The following ABCC1 variants were observed in gnomAD, a reference collection of about 807,000 sequenced individuals.
ABCC1 encodes ATP binding cassette subfamily C member 1 (ABCC1 blood group).
A neutral mutation model predicts 172.9 loss-of-function variants in ABCC1; 83 were observed. The ratio of observed to expected loss-of-function variants is 0.48; its 90% CI spans 0.40 to 0.58. The LOEUF is 0.58. Among genes scored for constraint, ABCC1 ranks in the 20% least tolerant of loss-of-function variants. The probability of loss-of-function intolerance (pLI) is 0.00; values close to 1 mark genes in which losing one functional copy is unlikely to be tolerated. For missense variants in ABCC1, 1,817 were observed against 2,002.7 expected, an observed-to-expected ratio of 0.91 and a Z score of 1.77; for synonymous variants, 937 against 825.2, an observed-to-expected ratio of 1.14 and a Z score of -2.32.
chr16:16,075,272 A>G (rs2050512208), intron 14 of ABCC1, among the ~76,000 whole-genome samples: 1 of 151,998 alleles, frequency 6.6e-6, no homozygotes, highest in African/African-American at 2.4e-5. Context: ...AGAGACATGA[A>G]GTAAAAGGAA....
intron 5 of ABCC1, among the ~76,000 whole-genome samples, chr16:16,027,940 C>G (rs77278556): frequency 4.6e-5 from 7 of 152,128 alleles, no homozygotes; most frequent in African/African-American, 7.2e-5. Flanking sequence ...GTGCCAGGTA[C>G]TATTCTAAGT....
intron 19 of ABCC1, among the ~76,000 whole-genome samples, chr16:16,102,249 C>T (rs1430375602): frequency 2.0e-5 from 3 of 152,206 alleles, no homozygotes; most frequent in African/African-American, 7.2e-5. Flanking sequence ...GGGCTATGCC[C>T]TTTCCCTCAT....
At chr16:16,019,812 G>A (rs2048133275) in intron 5 of ABCC1, among the ~76,000 whole-genome samples, 1 of 152,140 alleles carries the variant, frequency 6.6e-6, no homozygotes, top group Non-Finnish European at 1.5e-5. Flanking sequence ...AGGCTACACT[G>A]TTGTGGGGCT....
intron 20 of ABCC1, among the ~76,000 whole-genome samples, chr16:16,103,699 C>T (rs1365207551): frequency 1.3e-5 from 2 of 152,196 alleles, no homozygotes; most frequent in Non-Finnish European, 2.9e-5. Flanking sequence ...GGATCCCGGA[C>T]CTGCAGTTGC....
intron 1 of ABCC1, among the ~76,000 whole-genome samples, chr16:16,001,892 A>G (rs1048737064): frequency 6.6e-6 from 1 of 152,002 alleles, no homozygotes; most frequent in Non-Finnish European, 1.5e-5. Context: ...TTGAAAGTTT[A>G]TATATATGTG....
At chr16:16,034,757 T>G (rs1452803935) in intron 6 of ABCC1, among the ~76,000 whole-genome samples, 3 of 151,828 alleles carry the variant, frequency 2.0e-5, no homozygotes, top group African/African-American at 7.3e-5. Flanking sequence ...CCAGCTAATT[T>G]TTGTATTTTT....
chr16:16,122,908 G>A lies in ABCC1; in HGVS notation c.3590+734G>A, dbSNP rs150303459. On this transcript the variant is annotated intron_variant, in intron 24 of 30. Transcript: ENST00000399410. The stretch of plus-strand genomic sequence containing the variant: ...CTGGAAAAACAAAAAAAGGAGATGG[G>A]GGTGGGAGATTGACATCTTGTGGAT... Among the ~76,000 whole-genome samples the A allele has an allele frequency of 1.1e-3, 167 of 151,986 alleles. 1 individual carries two copies. The highest frequency in any genetic ancestry group is 8.3e-4 in the South Asian group (4 of 4,808).
chr16:15,963,037 C>T (rs1252598876), intron 1 of ABCC1, among the ~76,000 whole-genome samples: 1 of 152,218 alleles, frequency 6.6e-6, no homozygotes, highest in East Asian at 1.9e-4. Context: ...TAGTTAGTTC[C>T]TAGATACAAT....
intron 19 of ABCC1, chr16:16,098,767 C>T: frequency 2.8e-6 from 3 of 1,053,078 alleles, no homozygotes; most frequent in South Asian, 1.2e-5. Flanking sequence ...TCTTGCCTCT[C>T]CCCCTTTAGA....
chr16:16,035,539 G>A (rs2048721455), intron 6 of ABCC1, among the ~76,000 whole-genome samples: 3 of 150,704 alleles, frequency 2.0e-5, no homozygotes, highest in Admixed American at 2.0e-4. Context: ...TGCCCAGGCT[G>A]GAGTGCAGTG....
chr16:15,965,203 C>T (rs1026151608), intron 1 of ABCC1, among the ~76,000 whole-genome samples: 12 of 151,888 alleles, frequency 7.9e-5, no homozygotes, highest in African/African-American at 2.7e-4. Flanking sequence ...AATGTCCAAT[C>T]GATAGTTCCC....
chr16:15,953,110 C>T (rs215107), intron 1 of ABCC1, among the ~76,000 whole-genome samples: 18,492 of 151,958 alleles, frequency 0.12, 1,522 homozygotes, highest in East Asian at 0.36. Flanking sequence ...CCAAGGCAGG[C>T]GGATCACCTG....
chr16:16,052,892 C>T (rs2049493402), intron 11 of ABCC1, 76 bp downstream of exon 11: 4 of 1,423,074 alleles, frequency 2.8e-6, no homozygotes, highest in Non-Finnish European at 3.0e-6. Context: ...TAGTCCAGTT[C>T]CTTCTGCTCT....
chr16:16,092,514 T>A (rs2051296153), intron 19 of ABCC1, among the ~76,000 whole-genome samples: 1 of 152,210 alleles, frequency 6.6e-6, no homozygotes, highest in Non-Finnish European at 1.5e-5. Flanking sequence ...GCTTTTACAC[T>A]TAGCGTGGTG....
At position 15,978,366 on chromosome 16, in the gene ABCC1, T is replaced by G. The variant is rs901085472; in HGVS notation, c.48+28567T>G. 5.3e-5 allele frequency among the ~76,000 whole-genome samples: 8 copies of G among 151,948 alleles called. 1 individual carries two copies. Among genetic ancestry groups the G allele is most frequent in the African/African-American group, 1.9e-4 (8 of 41,306 alleles). The stretch of plus-strand genomic sequence containing the variant: ...CTGGGCAACAGAGTGAAACCCCATC[T>G]CAAACAAACAAACAAACAAACAAAC... On this transcript the variant is annotated intron_variant, in intron 1 of 30. Transcript: ENST00000399410.
At chr16:16,044,804 A>G (rs972934101) in intron 8 of ABCC1, 124 bp downstream of exon 8, 3 of 846,286 alleles carry the variant, frequency 3.5e-6, no homozygotes, top group African/African-American at 3.5e-5. Flanking sequence ...AGATGTCTCC[A>G]TTTTTACTTT....
chr16:15,981,392 G>A (rs556972595), intron 1 of ABCC1, among the ~76,000 whole-genome samples: 4 of 152,338 alleles, frequency 2.6e-5, no homozygotes, highest in African/African-American at 9.6e-5. Context: ...ACTTCTGCCT[G>A]GACACCCAGG....
At chr16:16,022,211 G>T (rs1403001553) in intron 5 of ABCC1, among the ~76,000 whole-genome samples, 5 of 152,180 alleles carry the variant, frequency 3.3e-5, no homozygotes, top group African/African-American at 1.2e-4. Flanking sequence ...ACTTCGTGCT[G>T]AGTCACTGAG....
intron 5 of ABCC1, among the ~76,000 whole-genome samples, chr16:16,021,426 CT>C (rs1220706501): frequency 6.6e-6 from 1 of 151,850 alleles, no homozygotes; most frequent in Non-Finnish European, 1.5e-5. Context: ...TTTTAAAAAT[CT>C]TGTTCAAGGC....
Sources: allele counts gnomAD v4.1 joint callset (sites outside exome capture counted in the v4.1 genomes callset), GRCh38; gene constraint gnomAD v4.1.1; transcripts MANE v1.5; gene names NCBI Gene and HGNC (gene_info 2026-07-23, HGNC 2026-07-21).